Variants in SLCO2B1 observed in about 807,000 individuals in gnomAD.
The protein encoded by SLCO2B1 is OATP-RP2.
Under a neutral mutation model 67.3 loss-of-function variants are expected in SLCO2B1, and 41 were observed. The observed-to-expected ratio is 0.61, with a 90% CI of 0.47 to 0.79. The LOEUF is 0.79. SLCO2B1 is among the 30% of genes least tolerant of loss of function. The probability of loss-of-function intolerance (pLI) is 0.00; values close to 1 mark genes in which losing one functional copy is unlikely to be tolerated. For synonymous variants in SLCO2B1, 379 were observed against 381.4 expected (o/e 0.99, Z 0.07); for missense variants, 837 against 920.1 (o/e 0.91, Z 1.17).
intron 3 of SLCO2B1, among the ~76,000 whole-genome samples, chr11:75,164,609 T>C (rs1949864953): frequency 6.6e-6 from 1 of 151,776 alleles, no homozygotes; most frequent in South Asian, 2.1e-4. Context: ...CTGCTTTGGG[T>C]GGATTTGGAG....
intron 4 of SLCO2B1, among the ~76,000 whole-genome samples, chr11:75,168,295 G>A (rs756713056): frequency 7.9e-5 from 12 of 152,174 alleles, no homozygotes; most frequent in Non-Finnish European, 1.3e-4. Context: ...AGCCTCCGTG[G>A]AAGGCTTCTT....
intron 8 of SLCO2B1, among the ~76,000 whole-genome samples, chr11:75,192,321 C>G (rs1266539219): frequency 6.6e-6 from 1 of 152,194 alleles, no homozygotes; most frequent in Non-Finnish European, 1.5e-5. Flanking sequence ...GTAATTAACA[C>G]AACAAACAAA....
At chr11:75,172,644 C>A in intron 7 of SLCO2B1, 75 bp downstream of exon 7, 1 of 1,378,212 alleles carries the variant, frequency 7.3e-7, no homozygotes. Context: ...TAACATTACA[C>A]TTCGGCTGGG....
intron 11 of SLCO2B1, chr11:75,202,367 A>G (rs966780165): frequency 1.3e-5 from 2 of 154,752 alleles, no homozygotes; most frequent in Non-Finnish European, 2.9e-5. Context: ...TGGCCAAGTT[A>G]TTGAATCTGT....
chr11:75,176,061 C>A (rs1296536662), intron 7 of SLCO2B1, among the ~76,000 whole-genome samples: 2 of 152,216 alleles, frequency 1.3e-5, no homozygotes, highest in East Asian at 3.8e-4. Context: ...CCTCACCTCC[C>A]TCTAGGCCTC....
intron 11 of SLCO2B1, 138 bp from the exon 12 acceptor site, chr11:75,202,763 C>A: frequency 1.3e-6 from 1 of 778,168 alleles, no homozygotes; most frequent in South Asian, 1.5e-5. Context: ...AGCCCCCAGC[C>A]TAGATCATCA....
intron 4 of SLCO2B1, among the ~76,000 whole-genome samples, chr11:75,167,059 G>A (rs1182888140): frequency 1.3e-5 from 2 of 152,224 alleles, no homozygotes; most frequent in Admixed American, 6.5e-5. Context: ...CACCTTGGGA[G>A]GTGGCCAGAG....
intron 13 of SLCO2B1, chr11:75,203,872 A>C (rs535859195): frequency 6.0e-6 from 1 of 167,902 alleles, no homozygotes; most frequent in South Asian, 1.6e-4. Context: ...ACAAAGGGGA[A>C]CTCAAAGGAA....
At chr11:75,170,093 C>A in intron 6 of SLCO2B1, 1 of 294,824 alleles carries the variant, frequency 3.4e-6, no homozygotes, top group Non-Finnish European at 6.5e-6. Flanking sequence ...GCCCCCTGCT[C>A]ACACATGCTG....
chr11:75,183,115 ATT>A (rs200714619), intron 7 of SLCO2B1, among the ~76,000 whole-genome samples: 1 of 152,110 alleles, frequency 6.6e-6, no homozygotes, highest in Non-Finnish European at 1.5e-5. Context: ...TGTAATTCTA[ATT>A]TTTTTTGTCC....
chr11:75,167,608 T>C (rs1256457895), intron 4 of SLCO2B1, among the ~76,000 whole-genome samples: 3 of 152,180 alleles, frequency 2.0e-5, no homozygotes, highest in African/African-American at 7.2e-5. Context: ...TGCAGGGCAC[T>C]GGGGACACAG....
chr11:75,179,640 T>G (rs990634758), intron 7 of SLCO2B1, among the ~76,000 whole-genome samples: 14 of 152,214 alleles, frequency 9.2e-5, no homozygotes, highest in African/African-American at 3.1e-4. Flanking sequence ...CTTATTTCTT[T>G]AATTTATTTT....
chr11:75,164,209 C>A (rs538749280), intron 3 of SLCO2B1, 109 bp downstream of exon 3: 1 of 1,228,480 alleles, frequency 8.1e-7, no homozygotes, highest in Non-Finnish European at 1.1e-6. Flanking sequence ...CCTCCCAGTG[C>A]CCTCAGGCAA....
Position 75,172,917 on chromosome 11 carries a change from A to G in SLCO2B1, c.972+348A>G, listed in dbSNP as rs1344029663. The stretch of plus-strand genomic sequence containing the variant: ...GCACTCCAGCCTGGGCAACAAAGCA[A>G]GACTCCGTCTCAAAAAAAAAAAAAA... On this transcript the variant is annotated intron_variant, in intron 7 of 13. Transcript: ENST00000289575. 9.4e-5 allele frequency among the ~76,000 whole-genome samples: 14 copies of G among 149,216 alleles called. No individual in the cohort carries two copies. The East Asian group carries it at 2.4e-3, about 26-fold the overall frequency.
At chr11:75,162,371 G>C (rs1949831377) in intron 1 of SLCO2B1, among the ~76,000 whole-genome samples, 2 of 152,152 alleles carry the variant, frequency 1.3e-5, no homozygotes, top group African/African-American at 4.8e-5. Context: ...CTTCTCCCTA[G>C]AAGGGAAGTT....
At chr11:75,155,665 C>T (rs1949738440) in intron 1 of SLCO2B1, among the ~76,000 whole-genome samples, 1 of 152,156 alleles carries the variant, frequency 6.6e-6, no homozygotes, top group African/African-American at 2.4e-5. Context: ...ACCATGTTGG[C>T]CAGGCTGGTT....
intron 7 of SLCO2B1, among the ~76,000 whole-genome samples, chr11:75,183,511 G>A (rs999938505): frequency 6.6e-6 from 1 of 152,184 alleles, no homozygotes; most frequent in Admixed American, 6.5e-5. Flanking sequence ...TGACTCAGGG[G>A]GCTAGTGGAT....
intron 3 of SLCO2B1, 132 bp downstream of exon 3, chr11:75,164,232 C>G: frequency 1.0e-6 from 1 of 989,212 alleles, no homozygotes; most frequent in Non-Finnish European, 1.4e-6. Context: ...CCTGTCCCAG[C>G]GCCTGCCTGA....
intron 10 of SLCO2B1, chr11:75,199,954 C>T: frequency 2.2e-6 from 1 of 463,884 alleles, no homozygotes; most frequent in Non-Finnish European, 3.8e-6. Context: ...CTCCTGGCTC[C>T]CTCCCTCTTC....
Sources: allele counts gnomAD v4.1 joint callset (sites outside exome capture counted in the v4.1 genomes callset), GRCh38; gene constraint gnomAD v4.1.1; transcripts MANE v1.5; gene names NCBI Gene and HGNC (gene_info 2026-07-23, HGNC 2026-07-21).